Variants in BRIP1 observed in about 807,000 individuals in gnomAD.
BRIP1 encodes BRCA1 interacting DNA helicase 1.
BRIP1 carries 88 observed loss-of-function variants against 119.7 expected under a neutral mutation model. The ratio of observed to expected loss-of-function variants is 0.74; its 90% CI spans 0.62 to 0.88. BRIP1 has a LOEUF of 0.88. BRIP1 is among the 40% of genes least tolerant of loss of function. The probability of loss-of-function intolerance (pLI) is 0.00; values close to 1 mark genes in which losing one functional copy is unlikely to be tolerated. For synonymous variants in BRIP1, 443 were observed against 496.5 expected, an observed-to-expected ratio of 0.89 and a Z score of 1.43; for missense variants, 1,259 against 1,455.4, an observed-to-expected ratio of 0.87 and a Z score of 2.20.
Position 61,708,482 on chromosome 17 carries a change from T to C in BRIP1, c.2492+7469A>G, listed in dbSNP as rs965767407. Reference sequence around the variant, plus strand: ...CAGGCATTTAGTGGAGGTTGTGGAATCTATCTTCTGTGGATAAGGAGAGAC... The same window carrying C: ...CAGGCATTTAGTGGAGGTTGTGGAACCTATCTTCTGTGGATAAGGAGAGAC... On this transcript the variant is annotated intron_variant, in intron 17 of 19. Transcript: ENST00000259008. The surrounding 1 kb of genome is among the most constrained non-coding windows in gnomAD (Gnocchi z 4.4). 6.6e-5 allele frequency among the ~76,000 whole-genome samples: 10 copies of C among 152,228 alleles called. No homozygotes were observed. Among genetic ancestry groups the C allele is most frequent in the African/African-American group, 2.4e-4 (10 of 41,460 alleles).
intron 6 of BRIP1, among the ~76,000 whole-genome samples, chr17:61,829,298 T>C (rs1294446814): frequency 6.6e-6 from 1 of 152,090 alleles, no homozygotes; most frequent in Non-Finnish European, 1.5e-5. Context: ...GCTATATCAA[T>C]GTTAGCCAAA....
Position 61,725,116 on chromosome 17 carries a change from C to A in BRIP1, c.2380-9053G>T, listed in dbSNP as rs2076747901. Among the ~76,000 whole-genome samples the A allele has an allele frequency of 6.8e-6, 1 of 147,436 alleles. No homozygotes were observed. Among genetic ancestry groups the A allele is most frequent in the African/African-American group, 2.5e-5 (1 of 39,690 alleles). On this transcript the variant is annotated intron_variant, in intron 16 of 19. Transcript: ENST00000259008. The surrounding 1 kb of genome is among the most constrained non-coding windows in gnomAD (Gnocchi z 5.3). ...TTTTCAAGATTTCTGACACAGTTAA[C>A]CAAATAGTGTGTGTGTGTGTGTGTG...
intron 6 of BRIP1, among the ~76,000 whole-genome samples, chr17:61,840,113 C>A (rs1432233793): frequency 6.6e-6 from 1 of 152,140 alleles, no homozygotes; most frequent in Non-Finnish European, 1.5e-5. Flanking sequence ...AATCCCAGCA[C>A]TTTGGGAGGC....
chr17:61,753,791 C>A lies in BRIP1; in HGVS notation c.2098-9200G>T, dbSNP rs556362190. 2.7e-4 allele frequency among the ~76,000 whole-genome samples: 41 copies of A among 151,918 alleles called. No individual in the cohort carries two copies. Among genetic ancestry groups the A allele is most frequent in the African/African-American group, 9.9e-4 (41 of 41,454 alleles). ...TTGAAAAGAACAACAACAACAACAA[C>A]AACAAAAAACCAGAGAGGGTCTTGC... On this transcript the variant is annotated intron_variant, in intron 14 of 19. Transcript: ENST00000259008. The surrounding 1 kb of genome is among the most constrained non-coding windows in gnomAD (Gnocchi z 4.6).
In BRIP1 at chr17:61,861,589, G is replaced by T; in HGVS notation, c.-30-20C>A. The T allele has an allele frequency of 7.3e-7, 1 of 1,373,488 alleles. No individual in the cohort carries two copies. Among genetic ancestry groups the T allele is most frequent in the Non-Finnish European group, 1.0e-6 (1 of 962,014 alleles). The allele number at this position is 1,373,488 out of a possible 1,614,324, so 85.1% of individuals were successfully genotyped here. On this transcript the variant is annotated intron_variant, in intron 1 of 19. Coordinates refer to ENST00000259008, the MANE Select transcript of BRIP1 (RefSeq NM_032043.3). The surrounding 1 kb of genome is among the most constrained non-coding windows in gnomAD (Gnocchi z 4.5). ...TCCTAACTACAACAGAAATGAAAAT[G>T]TCAAATATTGAGACACGCCTTACAA...
In BRIP1 at chr17:61,834,116, T is replaced by C. The variant is rs7223607; in HGVS notation, c.627+12985A>G. Among the ~76,000 whole-genome samples, 36,815 of 151,964 alleles carry C rather than the reference T, an allele frequency of 0.24. 4,757 individuals are homozygous for C. The highest frequency in any genetic ancestry group is 0.32 in the Admixed American group (4,927 of 15,274). On this transcript the variant is annotated intron_variant, in intron 6 of 19. Transcript: ENST00000259008. This position sits in a 1 kb window ranked among gnomAD's most constrained non-coding sequence, Gnocchi z 4.4. ...GGTCATAGTTTGCCAACCACTGGCA[T>C]AGGAAAAAAGATTACGACAAAAAAG...
chr17:61,747,548 A>C (rs1358963759), intron 14 of BRIP1, among the ~76,000 whole-genome samples: 1 of 152,146 alleles, frequency 6.6e-6, no homozygotes, highest in East Asian at 1.9e-4. Flanking sequence ...ATTCCTAGTA[A>C]TATACAACCT....
chr17:61,717,902 T>A lies in BRIP1; in HGVS notation c.2380-1839A>T, dbSNP rs1439428659. Among the ~76,000 whole-genome samples the A allele has an allele frequency of 6.6e-6, 1 of 152,166 alleles. No individual in the cohort carries two copies. The highest frequency in any genetic ancestry group is 2.4e-5 in the African/African-American group (1 of 41,466). On this transcript the variant is annotated intron_variant, in intron 16 of 19. Coordinates refer to ENST00000259008, the MANE Select transcript of BRIP1 (RefSeq NM_032043.3). The surrounding 1 kb of genome is among the most constrained non-coding windows in gnomAD (Gnocchi z 4.1). ...TAATTTTTATTTATAAGATTTCAAG[T>A]TCACCAAATTTTCCTTCTGCAGTGT...
At chr17:61,838,950 T>G (rs2078618331) in intron 6 of BRIP1, among the ~76,000 whole-genome samples, 1 of 152,102 alleles carries the variant, frequency 6.6e-6, no homozygotes, top group Non-Finnish European at 1.5e-5. Context: ...ATTTTTCTTC[T>G]ACTTTTCATG....
chr17:61,833,234 C>T (rs558593273), intron 6 of BRIP1, among the ~76,000 whole-genome samples: 1 of 152,160 alleles, frequency 6.6e-6, no homozygotes, highest in South Asian at 2.1e-4. Context: ...ATCAAGAAAA[C>T]TTAGAGGAGT....
chr17:61,732,482 C>G (rs978288718), intron 16 of BRIP1, among the ~76,000 whole-genome samples: 1 of 152,124 alleles, frequency 6.6e-6, no homozygotes, highest in Non-Finnish European at 1.5e-5. Context: ...TGTTGGTCAA[C>G]TTCAGCTTTC....
chr17:61,682,086 C>T lies in BRIP1; in HGVS notation c.*1210G>A, dbSNP rs1222792000. The T allele has an allele frequency of 4.9e-6, 1 of 204,094 alleles. No homozygotes were observed. The highest frequency in any genetic ancestry group is 2.3e-5 in the African/African-American group (1 of 43,760). The allele number at this position is 204,094 out of a possible 1,614,324, so 12.6% of individuals were successfully genotyped here. Reference sequence around the variant, plus strand: ...AGACATATAGCTTCATTCACAAAAACACAAACAAGGTCAAAATTCACAGAA... The same window carrying T: ...AGACATATAGCTTCATTCACAAAAATACAAACAAGGTCAAAATTCACAGAA... On this transcript the variant is annotated 3_prime_UTR_variant, in exon 20 of 20. Transcript: ENST00000259008. The surrounding 1 kb of genome is among the most constrained non-coding windows in gnomAD (Gnocchi z 4.9).
At position 61,782,735 on chromosome 17, in the gene BRIP1, T is replaced by C. The variant is rs142210571; in HGVS notation, c.1628+1535A>G. 2.4e-3 allele frequency among the ~76,000 whole-genome samples: 368 copies of C among 152,226 alleles called. 1 individual carries two copies. Among genetic ancestry groups the C allele is most frequent in the Middle Eastern group, 0.017 (5 of 294 alleles). On this transcript the variant is annotated intron_variant, in intron 11 of 19. Coordinates refer to ENST00000259008, the MANE Select transcript of BRIP1 (RefSeq NM_032043.3). ...TATTTCTCCAAAAAAAGACATACAA[T>C]TGGCCAATAAGCACATGAAAAGATT... is the stretch of plus-strand genomic sequence containing the variant.
rs180722888 is a variant in BRIP1 at position 61,859,086 on chromosome 17, T to G, written c.205+710A>C. Among the ~76,000 whole-genome samples the G allele has an allele frequency of 5.4e-3, 797 of 148,786 alleles. 5 individuals are homozygous for G. Among genetic ancestry groups the G allele is most frequent in the African/African-American group, 0.019 (753 of 40,534 alleles). On this transcript the variant is annotated intron_variant, in intron 3 of 19. Transcript: ENST00000259008. ...AAAAAAAAGGAAAAGTAGTGGGAAG[T>G]AATATAAATTCATACAAACAATATT...
chr17:61,720,214 A>G lies in BRIP1; in HGVS notation c.2380-4151T>C, dbSNP rs1603295166. On this transcript the variant is annotated intron_variant, in intron 16 of 19. Coordinates refer to ENST00000259008, the MANE Select transcript of BRIP1 (RefSeq NM_032043.3). This position sits in a 1 kb window ranked among gnomAD's most constrained non-coding sequence, Gnocchi z 4.3. ...TCTTTTATACCACAGTAGGATGACT[A>G]TAGTTAACAATATTACATCATTTCA... Among the ~76,000 whole-genome samples, 1 of 152,200 alleles carries G rather than the reference A, an allele frequency of 6.6e-6. No individual in the cohort carries two copies. The highest frequency in any genetic ancestry group is 2.4e-5 in the African/African-American group (1 of 41,440).
chr17:61,703,353 C>T lies in BRIP1; in HGVS notation c.2493-9841G>A, dbSNP rs535135065. Among the ~76,000 whole-genome samples the T allele has an allele frequency of 4.5e-4, 68 of 152,276 alleles. No individual in the cohort carries two copies. Among genetic ancestry groups the T allele is most frequent in the African/African-American group, 1.6e-3 (65 of 41,568 alleles). Reference sequence around the variant, plus strand: ...CTGAGATTATAGGCGTGAGCCACCACGCCCAGCCACATTGTGGTTTTGATT... The same window carrying T: ...CTGAGATTATAGGCGTGAGCCACCATGCCCAGCCACATTGTGGTTTTGATT... On this transcript the variant is annotated intron_variant, in intron 17 of 19. Coordinates refer to ENST00000259008, the MANE Select transcript of BRIP1 (RefSeq NM_032043.3). This position sits in a 1 kb window ranked among gnomAD's most constrained non-coding sequence, Gnocchi z 5.0.
At chr17:61,850,435 C>T (rs2078802281) in intron 4 of BRIP1, among the ~76,000 whole-genome samples, 1 of 152,000 alleles carries the variant, frequency 6.6e-6, no homozygotes, top group South Asian at 2.1e-4. Flanking sequence ...TAACCCATGG[C>T]CAGACACCAT....
rs1375212494 is a variant in BRIP1 at position 61,814,113 on chromosome 17, A to G, written c.628-5356T>C. ...TCTTTAGAGCAAGAGTCAGCAAAAGAGCCAGACAGTAAACATTTCAAGCTT... is the reference window on the plus strand; with the variant it reads ...TCTTTAGAGCAAGAGTCAGCAAAAGGGCCAGACAGTAAACATTTCAAGCTT... On this transcript the variant is annotated intron_variant, in intron 6 of 19. Transcript: ENST00000259008. The surrounding 1 kb of genome is among the most constrained non-coding windows in gnomAD (Gnocchi z 4.9). Among the ~76,000 whole-genome samples the G allele has an allele frequency of 6.6e-6, 1 of 152,128 alleles. No homozygotes were observed. The highest frequency in any genetic ancestry group is 1.9e-4 in the East Asian group (1 of 5,202).
chr17:61,784,429 A>G lies in BRIP1; in HGVS notation c.1474-5T>C, dbSNP rs1288728720. The stretch of plus-strand genomic sequence containing the variant: ...AAGAACAGCAGAAAAATGTCCCTAT[A>G]AGAAATTACCATATTAAGTATAGAG... On this transcript the variant is annotated splice_region_variant and splice_polypyrimidine_tract_variant and intron_variant, in intron 10 of 19. Coordinates refer to ENST00000259008, the MANE Select transcript of BRIP1 (RefSeq NM_032043.3). The G allele has an allele frequency of 6.2e-7, 1 of 1,611,012 alleles. No homozygotes were observed.
Sources: allele counts gnomAD v4.1 joint callset (sites outside exome capture counted in the v4.1 genomes callset), GRCh38; gene constraint gnomAD v4.1.1; non-coding constraint Gnocchi (gnomAD v3.1); transcripts MANE v1.5; gene names NCBI Gene and HGNC (gene_info 2026-07-23, HGNC 2026-07-21).